The following PBX3 variants were observed in gnomAD, a reference collection of about 807,000 sequenced individuals.
PBX3 encodes pre-B-cell leukemia transcription factor 3.
A neutral mutation model predicts 48.5 loss-of-function variants in PBX3; 14 were observed. The ratio of observed to expected loss-of-function variants is 0.29; its 90% CI spans 0.19 to 0.45. PBX3 has a LOEUF of 0.45. Ranked by LOEUF, PBX3 falls within the 20% of genes least tolerant of loss-of-function variation. The pLI is 1.00. For missense variants in PBX3, 386 were observed against 546.7 expected (o/e 0.71, Z 2.93); for synonymous variants, 210 against 200.3 (o/e 1.05, Z -0.41).
intron 3 of PBX3, among the ~76,000 whole-genome samples, chr9:125,925,427 C>A (rs947492223): frequency 6.6e-6 from 1 of 151,972 alleles, no homozygotes; most frequent in Non-Finnish European, 1.5e-5. Flanking sequence ...ACCTCATTAA[C>A]AGTTTTTTTG....
intron 2 of PBX3, among the ~76,000 whole-genome samples, chr9:125,818,928 C>CA (rs1838562867): frequency 6.6e-6 from 1 of 151,434 alleles, no homozygotes; most frequent in African/African-American, 2.4e-5. Context: ...CTCCGTCTCC[C>CA]AGGTTCAAGG....
intron 2 of PBX3, among the ~76,000 whole-genome samples, chr9:125,841,602 A>G (rs1839291604): frequency 6.6e-6 from 1 of 152,186 alleles, no homozygotes; most frequent in Non-Finnish European, 1.5e-5. Context: ...AGAAGACAGG[A>G]AAAGAGTGAA....
intron 2 of PBX3, among the ~76,000 whole-genome samples, chr9:125,761,603 TTAA>T (rs544824012): frequency 2.6e-5 from 4 of 151,998 alleles, no homozygotes; most frequent in African/African-American, 9.7e-5. Flanking sequence ...CTCATCTCAG[TTAA>T]TAATAATAAT....
chr9:125,747,586 G>C lies in PBX3; in HGVS notation c.133G>C (p.Asp45His). The C allele has an allele frequency of 6.2e-7, 1 of 1,607,220 alleles. No individual in the cohort carries two copies. Among genetic ancestry groups the C allele is most frequent in the Non-Finnish European group, 8.5e-7 (1 of 1,176,926 alleles). Reference sequence around the variant, plus strand: ...GGCGGACGGCGACGGCAGGAAGCAGGACATCGGCGACATCCTCCACCAGAT... The same window carrying C: ...GGCGGACGGCGACGGCAGGAAGCAGCACATCGGCGACATCCTCCACCAGAT... Reference protein sequence around the residue: ...EGADGDGRKQDIGDILHQIMT... With the variant: ...EGADGDGRKQHIGDILHQIMT... The change falls in exon 1 of 9, where the codon GAC becomes CAC. Residue 45 changes from aspartate to histidine, a missense_variant. Transcript: ENST00000373489.
chr9:125,955,285 C>A (rs1842281100), intron 5 of PBX3, among the ~76,000 whole-genome samples: 1 of 152,148 alleles, frequency 6.6e-6, no homozygotes, highest in Non-Finnish European at 1.5e-5. Context: ...CCCGCTTCCT[C>A]TTCCTCAGCC....
chr9:125,916,067 G>T, intron 3 of PBX3, 140 bp downstream of exon 3: 4 of 1,226,434 alleles, frequency 3.3e-6, no homozygotes, highest in Non-Finnish European at 4.5e-6. Flanking sequence ...AAAAATCCAA[G>T]TGAATTGTTG....
intron 2 of PBX3, among the ~76,000 whole-genome samples, chr9:125,812,408 T>C (rs1838317658): frequency 6.6e-6 from 1 of 152,260 alleles, no homozygotes; most frequent in Non-Finnish European, 1.5e-5. Flanking sequence ...CGTTAGATAT[T>C]ATGGATGTAG....
At chr9:125,930,613 A>G (rs906337753) in intron 4 of PBX3, among the ~76,000 whole-genome samples, 2 of 152,220 alleles carry the variant, frequency 1.3e-5, no homozygotes, top group Non-Finnish European at 2.9e-5. Flanking sequence ...TATCATCCAA[A>G]TCTCACAGTA....
Position 125,810,430 on chromosome 9 carries a change from G to A in PBX3, c.274+61807G>A, listed in dbSNP as rs565785531. 1.7e-4 allele frequency among the ~76,000 whole-genome samples: 26 copies of A among 151,254 alleles called. 1 individual carries two copies. The South Asian group carries it at 5.2e-3, about 30-fold the overall frequency. ...AGCAATGGGTGAGAAGCTTTTTATT[G>A]TACCTAGAAAACCATACATGTAAGC... On this transcript the variant is annotated intron_variant, in intron 2 of 8. Coordinates refer to ENST00000373489, the MANE Select transcript of PBX3 (RefSeq NM_006195.6).
At chr9:125,788,521 A>T (rs1262616708) in intron 2 of PBX3, among the ~76,000 whole-genome samples, 5 of 152,230 alleles carry the variant, frequency 3.3e-5, no homozygotes, top group Admixed American at 6.5e-5. Context: ...CATAGATAAA[A>T]TACAAAAACA....
At position 125,780,745 on chromosome 9, in the gene PBX3, C is replaced by G. The variant is rs577708071; in HGVS notation, c.274+32122C>G. Among the ~76,000 whole-genome samples the G allele has an allele frequency of 2.8e-5, 4 of 140,490 alleles. No homozygotes were observed. In the South Asian group the frequency reaches 7.0e-4, roughly 25 times the overall value. The allele number at this position is 140,490 out of a possible 152,430, so 92.2% of individuals were successfully genotyped here. On this transcript the variant is annotated intron_variant, in intron 2 of 8. Coordinates refer to ENST00000373489, the MANE Select transcript of PBX3 (RefSeq NM_006195.6). Reference sequence around the variant, plus strand: ...GGGGCTGACCCCCCCCACCTCCCTCCCGGACAGGGCGGCTGGCCGGGCGGG... The same window carrying G: ...GGGGCTGACCCCCCCCACCTCCCTCGCGGACAGGGCGGCTGGCCGGGCGGG...
intron 5 of PBX3, among the ~76,000 whole-genome samples, chr9:125,947,696 TTAAAG>T (rs1462793870): frequency 6.6e-6 from 1 of 152,092 alleles, no homozygotes; most frequent in African/African-American, 2.4e-5. Flanking sequence ...AGTAATCACA[TTAAAG>T]TAAATGAATT....
intron 2 of PBX3, among the ~76,000 whole-genome samples, chr9:125,843,367 T>G (rs1839337733): frequency 6.6e-6 from 1 of 152,174 alleles, no homozygotes; most frequent in African/African-American, 2.4e-5. Flanking sequence ...CGGATGTAGA[T>G]GTTAACTAAT....
chr9:125,962,002 C>A, intron 6 of PBX3, 100 bp from the exon 7 acceptor site: 1 of 629,464 alleles, frequency 1.6e-6, no homozygotes, highest in Non-Finnish European at 2.9e-6. Flanking sequence ...TGTGCACAGC[C>A]TTTCCCTTCT....
chr9:125,874,057 G>A (rs117262983), intron 2 of PBX3, among the ~76,000 whole-genome samples: 2,579 of 152,166 alleles, frequency 0.017, 104 homozygotes, highest in Non-Finnish European at 0.016. Context: ...TTAAAAAGAA[G>A]GAATATCCTG....
intron 2 of PBX3, among the ~76,000 whole-genome samples, chr9:125,753,882 A>C (rs56272305): frequency 0.039 from 5,917 of 152,140 alleles, 405 homozygotes; most frequent in African/African-American, 0.13. Flanking sequence ...TCAATTTATA[A>C]ATTTTGTAAA....
At chr9:125,886,121 A>G (rs892218094) in intron 2 of PBX3, among the ~76,000 whole-genome samples, 3 of 152,098 alleles carry the variant, frequency 2.0e-5, no homozygotes, top group African/African-American at 7.2e-5. Flanking sequence ...TAGATAGTGC[A>G]TGGGGAAACA....
At position 125,954,055 on chromosome 9, in the gene PBX3, C is replaced by T. The variant is rs530650255; in HGVS notation, c.844-6629C>T. The stretch of plus-strand genomic sequence containing the variant: ...ATTGTGTTGGTTTTCTTTTCCCTTC[C>T]TGCCCTTTTCTTACTTTATGAAAGA... On this transcript the variant is annotated intron_variant, in intron 5 of 8. Coordinates refer to ENST00000373489, the MANE Select transcript of PBX3 (RefSeq NM_006195.6). Among the ~76,000 whole-genome samples the T allele has an allele frequency of 7.8e-4, 119 of 152,338 alleles. 2 individuals are homozygous for T. In the South Asian group the frequency reaches 0.024, roughly 31 times the overall value.
At chr9:125,831,223 C>T (rs947063464) in intron 2 of PBX3, among the ~76,000 whole-genome samples, 2 of 152,162 alleles carry the variant, frequency 1.3e-5, no homozygotes, top group African/African-American at 4.8e-5. Context: ...TCAGCCATAA[C>T]GTTTAGTCAT....
Sources: gnomAD v4.1 joint callset for allele counts (sites outside exome capture counted in the v4.1 genomes callset) on GRCh38, gnomAD v4.1.1 for gene constraint, MANE v1.5 for transcripts, NCBI Gene and HGNC (gene_info 2026-07-23, HGNC 2026-07-21) for gene names.